MYO5B: variants seen among roughly 807,000 people sequenced by gnomAD.
MYO5B encodes unconventional myosin-Vb.
Under a neutral mutation model 229.3 loss-of-function variants are expected in MYO5B, and 143 were observed. The ratio of observed to expected loss-of-function variants is 0.62; its 90% confidence interval spans 0.54 to 0.72. The LOEUF (loss-of-function observed/expected upper bound fraction) is 0.72. MYO5B is among the 30% of genes least tolerant of loss of function. The pLI, the probability that MYO5B is intolerant of heterozygous loss-of-function variation, is 0.00. For synonymous variants in MYO5B, 918 were observed against 885.2 expected (o/e 1.04, Z -0.66); for missense variants, 2,321 against 2,331.0 (o/e 1.00, Z 0.09).
At chr18:49,984,687 G>A in intron 8 of MYO5B, 31 bp downstream of exon 8, 2 of 1,528,360 alleles carry the variant, frequency 1.3e-6, no homozygotes. Context: ...CAGCCCTCGG[G>A]GCCTGCTTCC....
chr18:50,134,769 A>G (rs772321836), intron 1 of MYO5B, among the ~76,000 whole-genome samples: 3 of 152,052 alleles, frequency 2.0e-5, no homozygotes, highest in Non-Finnish European at 4.4e-5. Context: ...GGCACTTCAT[A>G]TATTCTCTTC....
At chr18:50,153,484 C>T (rs1001264315) in intron 1 of MYO5B, among the ~76,000 whole-genome samples, 1 of 152,118 alleles carries the variant, frequency 6.6e-6, no homozygotes, top group African/African-American at 2.4e-5. Context: ...TGGAGTCTTG[C>T]TCTGTCACCA....
At chr18:50,027,139 C>T (rs1289476218) in intron 4 of MYO5B, among the ~76,000 whole-genome samples, 1 of 152,186 alleles carries the variant, frequency 6.6e-6, no homozygotes, top group Admixed American at 6.5e-5. Context: ...AATAGCAATG[C>T]CATTTCATCC....
chr18:49,932,844 A>C (rs923767377), intron 16 of MYO5B, among the ~76,000 whole-genome samples: 1 of 152,170 alleles, frequency 6.6e-6, no homozygotes, highest in African/African-American at 2.4e-5. Context: ...CCCACCGTCA[A>C]ATGCATCTCT....
chr18:50,151,632 G>GA (rs1465545570), intron 1 of MYO5B, among the ~76,000 whole-genome samples: 1 of 152,112 alleles, frequency 6.6e-6, no homozygotes, highest in Non-Finnish European at 1.5e-5. Flanking sequence ...AACTATGCAA[G>GA]AAAAATGCTT....
At chr18:50,005,706 TGCCTG>T (rs2026094116) in intron 4 of MYO5B, among the ~76,000 whole-genome samples, 1 of 152,218 alleles carries the variant, frequency 6.6e-6, no homozygotes, top group Admixed American at 6.5e-5. Context: ...CATGAGCCAC[TGCCTG>T]GCCTATATTT....
intron 30 of MYO5B, 100 bp downstream of exon 30, chr18:49,856,713 C>T (rs992225113): frequency 8.2e-6 from 8 of 978,248 alleles, no homozygotes; most frequent in African/African-American, 4.8e-5. Context: ...CCAACTGTTC[C>T]CCGTGCTCTC....
At chr18:49,901,700 C>A (rs2024843279) in intron 21 of MYO5B, among the ~76,000 whole-genome samples, 1 of 152,194 alleles carries the variant, frequency 6.6e-6, no homozygotes, top group Admixed American at 6.5e-5. Flanking sequence ...AACACTCTTT[C>A]CAAAAGAGGC....
chr18:50,016,630 G>C (rs2026218367), intron 4 of MYO5B, among the ~76,000 whole-genome samples: 1 of 151,996 alleles, frequency 6.6e-6, no homozygotes, highest in South Asian at 2.1e-4. Context: ...CTCCAAATCT[G>C]TCACTTTGCC....
chr18:50,175,743 A>C (rs2032986365), intron 1 of MYO5B, among the ~76,000 whole-genome samples: 1 of 152,152 alleles, frequency 6.6e-6, no homozygotes, highest in African/African-American at 2.4e-5. Context: ...ACTCAAAGGC[A>C]CTCCCTTATG....
chr18:49,853,772 A>G (rs2024229722), intron 30 of MYO5B, 125 bp from the exon 31 acceptor site: 2 of 848,050 alleles, frequency 2.4e-6, no homozygotes, highest in Non-Finnish European at 3.8e-6. Flanking sequence ...CATCCCCCAG[A>G]GGGATGAATG....
chr18:49,929,810 C>T (rs529310151), intron 16 of MYO5B, among the ~76,000 whole-genome samples: 1 of 152,328 alleles, frequency 6.6e-6, no homozygotes, highest in South Asian at 2.1e-4. Flanking sequence ...TCAGCATCTT[C>T]TGTTCTGTGC....
chr18:49,843,485 A>G, intron 33 of MYO5B, 93 bp from the exon 34 acceptor site: 2 of 1,457,964 alleles, frequency 1.4e-6, no homozygotes, highest in Non-Finnish European at 1.9e-6. Flanking sequence ...TGTTTTCAAT[A>G]TTTCCCCATA....
Position 49,936,335 on chromosome 18 carries a change from C to A in MYO5B, c.1920G>T (p.Leu640=), listed in dbSNP as rs1443207464. 4 of 1,598,156 alleles carry A rather than the reference C, an allele frequency of 2.5e-6. No homozygotes were observed. In the East Asian group the frequency reaches 9.0e-5, roughly 36 times the overall value. ...CATTCAGGGTCTCCATGAGCAGATG[C>A]AGGGAGGTACGGAACTAGAGAGACA... is the stretch of plus-strand genomic sequence containing the variant. ...KTVGHQFRTS[L]HLLMETLNAT... Residue 640 remains leucine (L), a synonymous_variant, in exon 16 of 40, where the codon CTG becomes CTT. Transcript: ENST00000285039.
intron 14 of MYO5B, among the ~76,000 whole-genome samples, chr18:49,944,860 C>A (rs978016670): frequency 1.3e-5 from 2 of 152,140 alleles, no homozygotes; most frequent in African/African-American, 2.4e-5. Context: ...CCTTCCACGC[C>A]GCTCCTCCTC....
intron 1 of MYO5B, among the ~76,000 whole-genome samples, chr18:50,161,527 C>T (rs187495025): frequency 1.0e-4 from 7 of 68,382 alleles, no homozygotes; most frequent in Admixed American, 5.6e-4. Context: ...GGTTTCGGGG[C>T]GGGGTGGGGG....
chr18:49,834,922 GC>G (rs2023969489), intron 39 of MYO5B, among the ~76,000 whole-genome samples: 1 of 152,200 alleles, frequency 6.6e-6, no homozygotes, highest in Admixed American at 6.5e-5. Flanking sequence ...ACAGGAGTGA[GC>G]CACCGCACCT....
chr18:50,066,533 A>T (rs2030823569), intron 1 of MYO5B, among the ~76,000 whole-genome samples: 1 of 152,048 alleles, frequency 6.6e-6, no homozygotes, highest in Admixed American at 6.6e-5. Flanking sequence ...GTTGAATGGA[A>T]AAGTTTAATG....
At chr18:49,943,896 G>A (rs1041685126) in intron 14 of MYO5B, among the ~76,000 whole-genome samples, 1 of 152,188 alleles carries the variant, frequency 6.6e-6, no homozygotes, top group African/African-American at 2.4e-5. Context: ...CTCTTAGGGA[G>A]GGAAGTCTGA....
Sources: allele counts gnomAD v4.1 joint callset (sites outside exome capture counted in the v4.1 genomes callset), GRCh38; gene constraint gnomAD v4.1.1; transcripts MANE v1.5; gene names NCBI Gene and HGNC (gene_info 2026-07-23, HGNC 2026-07-21).